Variants in POMT2 observed in about 807,000 individuals in gnomAD.
POMT2 encodes protein O-mannosyltransferase 2.
POMT2 carries 75 observed loss-of-function variants against 100.0 expected under a neutral mutation model. The observed-to-expected ratio is 0.75, with a 90% CI of 0.62 to 0.91. The LOEUF (loss-of-function observed/expected upper bound fraction) is 0.91, where lower values mean the gene tolerates loss of function less well. POMT2 is among the 40% of genes least tolerant of loss of function. The pLI, the probability that POMT2 is intolerant of heterozygous loss-of-function variation, is 0.00. For missense variants in POMT2, 940 were observed against 955.1 expected (o/e 0.98, Z 0.21); for synonymous variants, 378 against 374.1 (o/e 1.01, Z -0.12).
At chr14:77,291,527 T>C in intron 9 of POMT2, 147 bp from the exon 10 acceptor site, 1 of 1,094,702 alleles carries the variant, frequency 9.1e-7, no homozygotes, top group Non-Finnish European at 1.3e-6. Context: ...AGGGGCCATG[T>C]TTCCCAATGG....
intron 12 of POMT2, 90 bp from the exon 13 acceptor site, chr14:77,285,722 C>A: frequency 6.8e-7 from 1 of 1,465,152 alleles, no homozygotes; most frequent in Non-Finnish European, 9.5e-7. Context: ...CCAGATGCCA[C>A]CATGTTATGA....
intron 6 of POMT2, chr14:77,299,830 C>G: frequency 2.4e-6 from 1 of 420,828 alleles, no homozygotes; most frequent in South Asian, 2.1e-5. Flanking sequence ...GGACAAGGCA[C>G]CTGCATCTGC....
chr14:77,279,555 C>T, intron 18 of POMT2: 1 of 601,526 alleles, frequency 1.7e-6, no homozygotes, highest in Non-Finnish European at 3.1e-6. Context: ...TGTCCTGGGG[C>T]AAGTTTCTTA....
rs1889887460 is a variant in POMT2, at chr14:77,275,124, A to C, written c.*2252T>G. The stretch of plus-strand genomic sequence containing the variant: ...ACATCACGTTTCTGCCAAGTGCTAC[A>C]GCTGAAGCCCATATTCATAGAAGCA... On this transcript the variant is annotated 3_prime_UTR_variant, in exon 21 of 21. Coordinates refer to ENST00000261534, the MANE Select transcript of POMT2 (RefSeq NM_013382.7). 6.6e-6 allele frequency: 1 copy of C among 152,180 alleles called. No individual in the cohort carries two copies. The highest frequency in any genetic ancestry group is 2.4e-5 in the African/African-American group (1 of 41,420). 9.4% of individuals were successfully genotyped at this position (152,180 alleles called of 1,614,324 possible).
chr14:77,280,239 T>C, intron 16 of POMT2, 153 bp downstream of exon 16: 2 of 1,556,914 alleles, frequency 1.3e-6, no homozygotes, highest in East Asian at 4.8e-5. Flanking sequence ...GGGTCAGAAT[T>C]AGGGCAGAAA....
chr14:77,302,114 A>T (rs1311026588), intron 5 of POMT2, among the ~76,000 whole-genome samples: 1 of 152,224 alleles, frequency 6.6e-6, no homozygotes, highest in African/African-American at 2.4e-5. Context: ...ATGGAGCTTA[A>T]TGAGCCTGGC....
At chr14:77,309,631 C>T (rs976083435) in intron 2 of POMT2, among the ~76,000 whole-genome samples, 3 of 152,120 alleles carry the variant, frequency 2.0e-5, no homozygotes, top group Admixed American at 6.6e-5. Context: ...TCCCTTCACA[C>T]GGGCAACCAG....
intron 14 of POMT2, among the ~76,000 whole-genome samples, chr14:77,284,515 T>C (rs1024798494): frequency 6.6e-6 from 1 of 152,088 alleles, no homozygotes; most frequent in African/African-American, 2.4e-5. Flanking sequence ...AAATTGGAGC[T>C]TGGGTGTAGA....
At chr14:77,301,008 TAG>T (rs1891015470) in intron 6 of POMT2, 80 bp downstream of exon 6, 46 of 1,609,646 alleles carry the variant, frequency 2.9e-5, no homozygotes, top group Non-Finnish European at 3.9e-5. Context: ...CCACCTGCAG[TAG>T]AGACAGAGAA....
In POMT2 at chr14:77,312,244, C is replaced by A. The variant is rs747471481; in HGVS notation, c.249-211G>T. The A allele has an allele frequency of 1.1e-5, 8 of 706,110 alleles. No individual in the cohort carries two copies. In the Admixed American group the frequency reaches 2.6e-4, roughly 23 times the overall value. 43.7% of individuals were successfully genotyped at this position (706,110 alleles called of 1,614,324 possible). A position where few individuals can be genotyped will look rare whatever the true frequency, so the allele number is the denominator to read the frequency against. On this transcript the variant is annotated intron_variant, in intron 1 of 20. Transcript: ENST00000261534. ...TCTTCATTTAGATAGATGAGAAAGGCGAGCAAATATTCACTAGCCAGTTAC... is the reference window on the plus strand; with the variant it reads ...TCTTCATTTAGATAGATGAGAAAGGAGAGCAAATATTCACTAGCCAGTTAC...
chr14:77,278,948 C>G (rs1188831122), intron 18 of POMT2, 79 bp from the exon 19 acceptor site: 2 of 1,511,890 alleles, frequency 1.3e-6, no homozygotes, highest in Middle Eastern at 1.7e-4. Context: ...TCTGCCCCTT[C>G]CTTGCTGTGT....
At chr14:77,279,450 A>G (rs1890119503) in intron 18 of POMT2, 3 of 456,568 alleles carry the variant, frequency 6.6e-6, no homozygotes, top group Admixed American at 5.0e-5. Context: ...GGCAGAAAAG[A>G]TGGGCAGCTC....
At position 77,277,378 on chromosome 14, in the gene POMT2, A is replaced by T; in HGVS notation, c.2251T>A (p.Ter751ArgextTer32). Residue 751 changes from the stop codon to arginine (R), a stop_lost, in exon 21 of 21, where the codon TGA becomes AGA. Transcript: ENST00000261534. ...AGGCTGGAATCTTTGCAGTGGCCTC[A>T]AAAGTCCCATGAGTCCAGCCACCTT... Reference protein sequence around the residue: ...GLRWLDSWDF* With the variant: ...GLRWLDSWDFR The T allele has an allele frequency of 1.9e-6, 3 of 1,610,896 alleles. No individual in the cohort carries two copies. Among genetic ancestry groups the T allele is most frequent in the Non-Finnish European group, 2.5e-6 (3 of 1,177,082 alleles).
chr14:77,297,604 G>T (rs1890878082), intron 8 of POMT2, among the ~76,000 whole-genome samples: 1 of 152,106 alleles, frequency 6.6e-6, no homozygotes, highest in Non-Finnish European at 1.5e-5. Context: ...GGGAGAGTCC[G>T]CTGTATTTTA....
rs758768436 is a variant in POMT2, at chr14:77,279,508, C to A, written c.1891+315G>T. 5 of 522,284 alleles carry A rather than the reference C, an allele frequency of 9.6e-6. No homozygotes were observed. The East Asian group carries it at 2.5e-4, about 26-fold the overall frequency. 32.4% of individuals were successfully genotyped at this position (522,284 alleles called of 1,614,324 possible). On this transcript the variant is annotated intron_variant, in intron 18 of 20. Transcript: ENST00000261534. ...GTGAGGGCTGTGGAGTCAGATTGCACGGGTTTGAGCCTCAGCTCTATCACT... is the reference window on the plus strand; with the variant it reads ...GTGAGGGCTGTGGAGTCAGATTGCAAGGGTTTGAGCCTCAGCTCTATCACT...
chr14:77,296,373 T>C (rs1024778503), intron 8 of POMT2, 100 bp from the exon 9 acceptor site: 256 of 796,636 alleles, frequency 3.2e-4, no homozygotes, highest in Non-Finnish European at 5.1e-4. Flanking sequence ...ACTAACCCTC[T>C]GCGAGACTCC....
intron 10 of POMT2, among the ~76,000 whole-genome samples, chr14:77,290,596 G>A (rs1390359732): frequency 6.6e-6 from 1 of 152,204 alleles, no homozygotes; most frequent in Admixed American, 6.5e-5. Flanking sequence ...AGGCTCGGAA[G>A]GTGAGTGGAA....
intron 10 of POMT2, among the ~76,000 whole-genome samples, chr14:77,289,648 T>C (rs1307288401): frequency 6.6e-6 from 1 of 152,190 alleles, no homozygotes; most frequent in African/African-American, 2.4e-5. Flanking sequence ...AATGACCACT[T>C]GCCCAACTCT....
intron 13 of POMT2, 125 bp from the exon 14 acceptor site, chr14:77,285,166 A>G (rs556133790): frequency 2.2e-6 from 2 of 895,808 alleles, no homozygotes; most frequent in Admixed American, 2.0e-5. Flanking sequence ...TTATTTCTTC[A>G]TGTTCCATGT....
Sources: gnomAD v4.1 joint callset for allele counts (sites outside exome capture counted in the v4.1 genomes callset) on GRCh38, gnomAD v4.1.1 for gene constraint, MANE v1.5 for transcripts, NCBI Gene and HGNC (gene_info 2026-07-23, HGNC 2026-07-21) for gene names.